The following CNTNAP2 variants were observed in gnomAD, a reference collection of about 807,000 sequenced individuals.
CNTNAP2 encodes the protein contactin-associated protein-like 2.
In CNTNAP2, 98 loss-of-function variants were observed where a neutral mutation model predicts 155.2. The ratio of observed to expected loss-of-function variants is 0.63; its 90% CI spans 0.54 to 0.75. CNTNAP2 has a LOEUF of 0.75. CNTNAP2 is among the 30% of genes least tolerant of loss of function. CNTNAP2 has a pLI of 0.00. For missense variants in CNTNAP2, 1,727 were observed against 1,688.1 expected (o/e 1.02, Z -0.40); for synonymous variants, 651 against 631.2 (o/e 1.03, Z -0.47).
At chr7:146,773,641 G>A (rs1053953062) in intron 1 of CNTNAP2, among the ~76,000 whole-genome samples, 9 of 152,148 alleles carry the variant, frequency 5.9e-5, no homozygotes, top group East Asian at 1.9e-4. Context: ...TGATCAACCC[G>A]CCTTGGCCTC....
chr7:146,727,373 T>C (rs2129178692), intron 1 of CNTNAP2, among the ~76,000 whole-genome samples: 1 of 152,294 alleles, frequency 6.6e-6, no homozygotes, highest in East Asian at 1.9e-4. Context: ...TCTTAAAGCA[T>C]AATCAAAGTC....
At chr7:147,975,462 G>A (rs1801413675) in intron 14 of CNTNAP2, among the ~76,000 whole-genome samples, 1 of 151,914 alleles carries the variant, frequency 6.6e-6, no homozygotes, top group Non-Finnish European at 1.5e-5. Context: ...ATTACAGAAT[G>A]TCATAGAGAT....
At chr7:146,361,455 C>A (rs1244429243) in intron 1 of CNTNAP2, among the ~76,000 whole-genome samples, 4 of 152,142 alleles carry the variant, frequency 2.6e-5, no homozygotes, top group Admixed American at 2.6e-4. Context: ...CTTTCAATTT[C>A]TGTCTTAATC....
chr7:146,644,742 A>G (rs1229651491), intron 1 of CNTNAP2, among the ~76,000 whole-genome samples: 1 of 152,206 alleles, frequency 6.6e-6, no homozygotes, highest in Non-Finnish European at 1.5e-5. Context: ...AGAAATGGAT[A>G]AATTCCTCGA....
intron 16 of CNTNAP2, among the ~76,000 whole-genome samples, chr7:148,138,892 A>G (rs998973404): frequency 2.6e-5 from 4 of 152,222 alleles, no homozygotes; most frequent in Admixed American, 2.6e-4. Context: ...ATATAGGCCT[A>G]TTAATATTCA....
chr7:147,970,170 C>T (rs1396028009), intron 14 of CNTNAP2, among the ~76,000 whole-genome samples: 2 of 151,934 alleles, frequency 1.3e-5, no homozygotes, highest in African/African-American at 4.8e-5. Context: ...CTCAGCCTCC[C>T]AAAGTGCTGG....
intron 1 of CNTNAP2, among the ~76,000 whole-genome samples, chr7:146,419,206 G>A (rs1795977458): frequency 6.6e-6 from 1 of 152,052 alleles, no homozygotes; most frequent in East Asian, 1.9e-4. Flanking sequence ...GCTAATGAAA[G>A]CTAAACAAAA....
chr7:148,082,471 C>T (rs116840574), intron 15 of CNTNAP2, among the ~76,000 whole-genome samples: 1 of 151,882 alleles, frequency 6.6e-6, no homozygotes, highest in Non-Finnish European at 1.5e-5. Context: ...GCATATGAGG[C>T]GAGGCTAGGG....
intron 1 of CNTNAP2, among the ~76,000 whole-genome samples, chr7:146,411,814 T>TTTTATTTA (rs1554429852): frequency 6.8e-5 from 8 of 117,066 alleles, no homozygotes; most frequent in Admixed American, 3.5e-4. Flanking sequence ...TTTTATTTTA[T>TTTTATTTA]TTTATTTATT....
intron 10 of CNTNAP2, among the ~76,000 whole-genome samples, chr7:147,460,540 T>C (rs1798004687): frequency 1.3e-5 from 2 of 152,242 alleles, no homozygotes; most frequent in Non-Finnish European, 1.5e-5. Flanking sequence ...ACCATCTGGT[T>C]TAGACTTCCC....
chr7:147,483,371 A>G (rs7800366), intron 10 of CNTNAP2, among the ~76,000 whole-genome samples: 94,510 of 151,880 alleles, frequency 0.62, 29,701 homozygotes, highest in African/African-American at 0.7. Context: ...GTGGGTGGGG[A>G]TTGGTGTGGA....
chr7:146,204,915 G>A (rs1047356438), intron 1 of CNTNAP2, among the ~76,000 whole-genome samples: 8 of 152,022 alleles, frequency 5.3e-5, no homozygotes, highest in Admixed American at 2.0e-4. Context: ...TACATAAAAT[G>A]TATAAAATAT....
At chr7:147,320,152 G>A (rs1275867832) in intron 9 of CNTNAP2, among the ~76,000 whole-genome samples, 1 of 152,092 alleles carries the variant, frequency 6.6e-6, no homozygotes, top group Non-Finnish European at 1.5e-5. Context: ...TCTTGGTCAA[G>A]ATGTCTTCCA....
intron 20 of CNTNAP2, among the ~76,000 whole-genome samples, chr7:148,238,578 G>C (rs184298654): frequency 1.2e-3 from 181 of 152,228 alleles, no homozygotes; most frequent in African/African-American, 4.1e-3. Context: ...TGTTTTCTTT[G>C]GAGTCACTAA....
At chr7:146,307,241 A>G (rs575952859) in intron 1 of CNTNAP2, among the ~76,000 whole-genome samples, 52 of 152,308 alleles carry the variant, frequency 3.4e-4, no homozygotes, top group Middle Eastern at 3.4e-3. Flanking sequence ...TGCTTCAAAA[A>G]GAATAAAATA....
chr7:147,506,680 G>C (rs1479168035), intron 11 of CNTNAP2, among the ~76,000 whole-genome samples: 1 of 152,198 alleles, frequency 6.6e-6, no homozygotes, highest in African/African-American at 2.4e-5. Flanking sequence ...TGCCCGGAAG[G>C]TGTGACTTGT....
intron 23 of CNTNAP2, among the ~76,000 whole-genome samples, chr7:148,413,357 A>C (rs1282943000): frequency 1.2e-4 from 16 of 137,370 alleles, no homozygotes; most frequent in African/African-American, 3.3e-4. Flanking sequence ...GTGCCATTGC[A>C]CTCCAGCCTG....
chr7:147,426,784 A>T (rs1221268630), intron 10 of CNTNAP2, among the ~76,000 whole-genome samples: 2 of 152,102 alleles, frequency 1.3e-5, no homozygotes, highest in East Asian at 3.9e-4. Flanking sequence ...ACCTGGGGAA[A>T]AGTTTGTGAT....
At chr7:147,507,765 G>C (rs559877577) in intron 11 of CNTNAP2, among the ~76,000 whole-genome samples, 2 of 151,994 alleles carry the variant, frequency 1.3e-5, no homozygotes, top group Non-Finnish European at 2.9e-5. Flanking sequence ...ATGTTAGCCA[G>C]GATGGTTGAT....
Sources: allele counts gnomAD v4.1 joint callset (sites outside exome capture counted in the v4.1 genomes callset), GRCh38; gene constraint gnomAD v4.1.1; transcripts MANE v1.5; gene names NCBI Gene and HGNC (gene_info 2026-07-23, HGNC 2026-07-21).